Variants in THSD4 observed in about 807,000 individuals in gnomAD.
The protein encoded by THSD4 is thrombospondin type 1 domain containing 4.
Under a neutral mutation model 119.0 loss-of-function variants are expected in THSD4, and 69 were observed. The observed-to-expected ratio is 0.58, with a 90% CI of 0.48 to 0.71. The LOEUF is 0.71. Ranked by LOEUF, THSD4 falls within the 30% of genes least tolerant of loss-of-function variation. The pLI is 0.00. For missense variants in THSD4, 1,393 were observed against 1,391.1 expected, an observed-to-expected ratio of 1.00 and a Z score of -0.02; for synonymous variants, 524 against 540.4, an observed-to-expected ratio of 0.97 and a Z score of 0.42.
chr15:71,667,766 A>C (rs1025867698), intron 8 of THSD4, among the ~76,000 whole-genome samples: 2 of 152,206 alleles, frequency 1.3e-5, no homozygotes, highest in Admixed American at 1.3e-4. Context: ...TAAAAATTTC[A>C]AGGAAGACAA....
intron 11 of THSD4, among the ~76,000 whole-genome samples, chr15:71,743,298 T>G (rs1053342484): frequency 4.6e-5 from 7 of 152,210 alleles, no homozygotes; most frequent in Non-Finnish European, 8.8e-5. Flanking sequence ...TTCTCCCTTA[T>G]TTGAGTGCCA....
At chr15:71,722,694 A>G (rs1019951116) in intron 8 of THSD4, among the ~76,000 whole-genome samples, 1 of 152,216 alleles carries the variant, frequency 6.6e-6, no homozygotes, top group Admixed American at 6.5e-5. Context: ...AAGGTAATAC[A>G]TGCATATGGT....
At chr15:71,157,425 C>T (rs2040789508) in intron 3 of THSD4, among the ~76,000 whole-genome samples, 2 of 151,876 alleles carry the variant, frequency 1.3e-5, no homozygotes, top group African/African-American at 4.8e-5. Flanking sequence ...GCATTCTAGT[C>T]ACCTCATGCA....
At chr15:71,315,049 C>T (rs1331026951) in intron 6 of THSD4, among the ~76,000 whole-genome samples, 1 of 152,142 alleles carries the variant, frequency 6.6e-6, no homozygotes, top group Non-Finnish European at 1.5e-5. Flanking sequence ...CCCCCACTCC[C>T]CCAGGATGAC....
At chr15:71,470,770 G>C (rs113660975) in intron 7 of THSD4, among the ~76,000 whole-genome samples, 1 of 151,860 alleles carries the variant, frequency 6.6e-6, no homozygotes, top group Non-Finnish European at 1.5e-5. Context: ...CGAGTAGCTG[G>C]GACTACAGGC....
chr15:71,598,372 A>G (rs1014206182), intron 7 of THSD4, among the ~76,000 whole-genome samples: 5 of 151,990 alleles, frequency 3.3e-5, no homozygotes, highest in African/African-American at 1.2e-4. Flanking sequence ...CATGAGTTTG[A>G]CCTTTTGACT....
chr15:71,488,867 A>G (rs1223453806), intron 7 of THSD4, among the ~76,000 whole-genome samples: 2 of 152,202 alleles, frequency 1.3e-5, no homozygotes, highest in Non-Finnish European at 2.9e-5. Flanking sequence ...TTATTCTACT[A>G]TTAGCGAGTT....
At position 71,547,297 on chromosome 15, in the gene THSD4, G is replaced by A. The variant is rs1595874897; in HGVS notation, c.1153-113233G>A. ...GTGAGGGAGAGCCGAGGGAACCAGC[G>A]CGGTGCCTAGCGGAACTCCAGGGCT... On this transcript the variant is annotated intron_variant, in intron 7 of 17. Transcript: ENST00000261862. The A allele has an allele frequency of 3.3e-6, 5 of 1,508,668 alleles. No homozygotes were observed. The East Asian group carries it at 7.5e-5, about 23-fold the overall frequency. The allele number at this position is 1,508,668 out of a possible 1,614,324, so 93.5% of individuals were successfully genotyped here.
intron 3 of THSD4, among the ~76,000 whole-genome samples, chr15:71,201,813 C>T (rs376932160): frequency 6.6e-6 from 1 of 152,278 alleles, no homozygotes; most frequent in East Asian, 1.9e-4. Flanking sequence ...GAGAGAGGCT[C>T]CTTTCTGCTG....
upstream of THSD4, chr15:71,111,948 C>T (rs1038568906): frequency 1.7e-5 from 11 of 631,544 alleles, no homozygotes; most frequent in Non-Finnish European, 2.7e-5. Flanking sequence ...TCATCTCTCC[C>T]CTCTCAGGCA....
chr15:71,735,093 C>T (rs1475969106), intron 10 of THSD4, among the ~76,000 whole-genome samples: 2 of 152,038 alleles, frequency 1.3e-5, no homozygotes, highest in Non-Finnish European at 2.9e-5. Flanking sequence ...CACACACACA[C>T]ACAGACACAC....
chr15:71,657,822 G>T (rs564762644), intron 7 of THSD4, among the ~76,000 whole-genome samples: 1 of 152,316 alleles, frequency 6.6e-6, no homozygotes, highest in East Asian at 1.9e-4. Flanking sequence ...AGGAAATCTG[G>T]TGGGGGTGTG....
Position 71,141,457 on chromosome 15 carries a change from C to T in THSD4, c.-71C>T, listed in dbSNP as rs984512070. 2.9e-5 allele frequency: 43 copies of T among 1,483,470 alleles called. No individual in the cohort carries two copies. The East Asian group carries it at 7.6e-4, about 26-fold the overall frequency. The allele number at this position is 1,483,470 out of a possible 1,614,324, so 91.9% of individuals were successfully genotyped here. A position where few individuals can be genotyped will look rare whatever the true frequency, so the allele number is the denominator to read the frequency against. On this transcript the variant is annotated 5_prime_UTR_variant, in exon 2 of 18. In the 5' UTR this introduces an upstream ATG that the reference lacks. Transcript: ENST00000261862. ...ATTGTTCATTTCCATAGGACTTGAACGCAACTCCCAATTGCAGAAAATTGG... is the reference window on the plus strand; with the variant it reads ...ATTGTTCATTTCCATAGGACTTGAATGCAACTCCCAATTGCAGAAAATTGG...
chr15:71,400,061 T>A (rs1472654345), intron 6 of THSD4, among the ~76,000 whole-genome samples: 1 of 152,186 alleles, frequency 6.6e-6, no homozygotes, highest in Non-Finnish European at 1.5e-5. Flanking sequence ...GTTCACTGTT[T>A]CTAATCCGGA....
In THSD4 at chr15:71,642,747, C is replaced by G. The variant is rs2050886843; in HGVS notation, c.1153-17783C>G. ...TTCTCACTCATAGGTGGGAATTGAA[C>G]AATGAGATCACATGGACACAGGAAG... On this transcript the variant is annotated intron_variant, in intron 7 of 17. Transcript: ENST00000261862. 4.7e-5 allele frequency among the ~76,000 whole-genome samples: 7 copies of G among 148,152 alleles called. No homozygotes were observed. The South Asian group carries it at 1.5e-3, about 32-fold the overall frequency.
chr15:71,276,929 TTC>T (rs1415280567), intron 6 of THSD4, among the ~76,000 whole-genome samples: 3 of 152,134 alleles, frequency 2.0e-5, no homozygotes, highest in Non-Finnish European at 4.4e-5. Context: ...AAATTAAGAA[TTC>T]TCTCATTGGG....
chr15:71,375,451 A>C (rs954806441), intron 6 of THSD4, among the ~76,000 whole-genome samples: 1 of 151,918 alleles, frequency 6.6e-6, no homozygotes, highest in African/African-American at 2.4e-5. Flanking sequence ...TTTCACACTG[A>C]ATTGTAATTG....
At chr15:71,322,745 G>A (rs898086805) in intron 6 of THSD4, among the ~76,000 whole-genome samples, 3 of 152,114 alleles carry the variant, frequency 2.0e-5, no homozygotes, top group African/African-American at 7.2e-5. Flanking sequence ...CTCTCCACAA[G>A]GCTGCTTGAG....
At chr15:71,380,462 A>C (rs948512548) in intron 6 of THSD4, among the ~76,000 whole-genome samples, 1 of 152,118 alleles carries the variant, frequency 6.6e-6, no homozygotes, top group Admixed American at 6.5e-5. Flanking sequence ...GAATGGCTGC[A>C]TACAAATATT....
Sources: allele counts gnomAD v4.1 joint callset (sites outside exome capture counted in the v4.1 genomes callset), GRCh38; gene constraint gnomAD v4.1.1; transcripts MANE v1.5; gene names NCBI Gene and HGNC (gene_info 2026-07-23, HGNC 2026-07-21).